LRCOL1: variants seen among roughly 807,000 people sequenced by gnomAD.
The protein encoded by LRCOL1 is leucine-rich colipase-like protein 1.
A neutral mutation model predicts 21.6 loss-of-function variants in LRCOL1; 21 were observed. That is an observed-to-expected ratio of 0.97 (90% CI 0.69 to 1.40). The LOEUF (loss-of-function observed/expected upper bound fraction) is 1.40. Ranked by LOEUF, LRCOL1 falls within the 40% of genes most tolerant of loss-of-function variation. The pLI, the probability that LRCOL1 is intolerant of heterozygous loss-of-function variation, is 0.00. For missense variants in LRCOL1, 198 were observed against 202.3 expected, an observed-to-expected ratio of 0.98 and a Z score of 0.13; for synonymous variants, 98 against 90.1, an observed-to-expected ratio of 1.09 and a Z score of -0.49.
intron 5 of LRCOL1, 35 bp downstream of exon 5, chr12:132,604,219 A>G (rs2041268928): frequency 6.6e-7 from 1 of 1,505,938 alleles, no homozygotes; most frequent in South Asian, 1.3e-5. Flanking sequence ...CGGCCAAGGG[A>G]GGGCCTGGAG....
intron 5 of LRCOL1, chr12:132,604,009 G>C: frequency 1.5e-6 from 2 of 1,357,078 alleles, no homozygotes; most frequent in South Asian, 1.8e-5. Context: ...AGGCTCTGAC[G>C]GTCTCTGACC....
rs1207612984 is a variant in LRCOL1 at position 132,604,822 on chromosome 12, C to G, written c.115G>C (p.Glu39Gln). 3.9e-6 allele frequency: 6 copies of G among 1,535,822 alleles called. No individual in the cohort carries two copies. In the East Asian group the frequency reaches 1.2e-4, roughly 31 times the overall value. ...CACTCCTCGTGTCTCCTGCATGGCT[C>G]CCCGATGCCCTGAAACACCACTCAC... ...KLNLSHKGIGEPCRRHEECQS... is the reference protein window; with the variant it reads ...KLNLSHKGIGQPCRRHEECQS... Residue 39 changes from glutamate to glutamine, a missense_variant, in exon 3 of 6, where the codon GAG (glutamate) becomes CAG (glutamine). Physicochemically the swap from Glu to Gln is conservative, Grantham distance 29 (BLOSUM62 2). Coordinates refer to ENST00000376608, the MANE Select transcript of LRCOL1 (RefSeq NM_001195520.2).
chr12:132,603,817 G>GAGCAC (rs1336440429), intron 5 of LRCOL1: 3 of 985,298 alleles, frequency 3.0e-6, no homozygotes, highest in Non-Finnish European at 3.6e-6. Context: ...AGCCTGCACC[G>GAGCAC]AGCACGGCTT....
At chr12:132,607,159 C>G (rs1593653023) in intron 1 of LRCOL1, among the ~76,000 whole-genome samples, 1 of 152,314 alleles carries the variant, frequency 6.6e-6, no homozygotes, top group South Asian at 2.1e-4. Context: ...ACGGCGCTGC[C>G]CCCACCACAG....
At chr12:132,604,683 C>T (rs2041279757) in intron 3 of LRCOL1, 23 bp downstream of exon 3, 4 of 1,530,732 alleles carry the variant, frequency 2.6e-6, no homozygotes, top group Non-Finnish European at 3.5e-6. Context: ...GCTCCTCCAC[C>T]CCCGCCCCTG....
Position 132,604,720 on chromosome 12 carries a change from G to A in LRCOL1, c.217C>T (p.Leu73=), listed in dbSNP as rs1463969544. 6.5e-7 allele frequency: 1 copy of A among 1,536,120 alleles called. No individual in the cohort carries two copies. Among genetic ancestry groups the A allele is most frequent in the South Asian group, 1.2e-5 (1 of 84,054 alleles). ...ACGCACCTCACCTTCCTCCAGGGCAGGCACTGCAGGAAGATGGTCTTAGGG... is the reference window on the plus strand; with the variant it reads ...ACGCACCTCACCTTCCTCCAGGGCAAGCACTGCAGGAAGATGGTCTTAGGG... The part of the protein sequence containing the change: ...CTPKTIFLQC[L]PWRKPNGYRC... Residue 73 remains leucine, a synonymous_variant, in exon 3 of 6, where the codon CTG becomes TTG. Coordinates refer to ENST00000376608, the MANE Select transcript of LRCOL1 (RefSeq NM_001195520.2).
In LRCOL1 at chr12:132,606,025, A is replaced by C. The variant is rs2041303842; in HGVS notation, c.105+122T>G. On this transcript the variant is annotated intron_variant, in intron 2 of 5. Transcript: ENST00000376608. The surrounding 1 kb of genome is among the most constrained non-coding windows in gnomAD (Gnocchi z 4.6). ...GGAAGGCGCTTTGTGTCCCTTTGAGACCCTCCTGACGGAAAGTGGCAGCCC... is the reference window on the plus strand; with the variant it reads ...GGAAGGCGCTTTGTGTCCCTTTGAGCCCCTCCTGACGGAAAGTGGCAGCCC... 1.2e-6 allele frequency: 1 copy of C among 865,952 alleles called. No homozygotes were observed. The highest frequency in any genetic ancestry group is 2.5e-5 in the Admixed American group (1 of 39,978). 53.6% of individuals were successfully genotyped at this position (865,952 alleles called of 1,614,324 possible).
intron 1 of LRCOL1, among the ~76,000 whole-genome samples, chr12:132,607,811 C>CTCTCTGTCTCTTTCTG (rs1407396050): frequency 1.3e-5 from 2 of 150,122 alleles, no homozygotes; most frequent in African/African-American, 4.9e-5. Context: ...CTGTCTCCCT[C>CTCTCTGTCTCTTTCTG]TCTCTGTCTC....
At chr12:132,607,914 CGTCT>C (rs776748230) in intron 1 of LRCOL1, among the ~76,000 whole-genome samples, 209 of 105,104 alleles carry the variant, frequency 2.0e-3, no homozygotes, top group Admixed American at 3.1e-3. Context: ...TCCCTCTCTC[CGTCT>C]GTCTCTCTCT....
intron 2 of LRCOL1, among the ~76,000 whole-genome samples, chr12:132,605,556 C>T (rs1455003101): frequency 6.6e-6 from 1 of 152,038 alleles, no homozygotes; most frequent in African/African-American, 2.4e-5. Context: ...TGGTGAAACC[C>T]CATCTCTACC....
Position 132,604,535 on chromosome 12 carries a change from C to A in LRCOL1, c.281G>T (p.Cys94Phe). The part of the protein sequence containing the change: ...SHDSECQSSC[C>F]VRNNSPQELC... ...CTCCTGCGGGCTGTTGTTGCGGACGCAGCAGCTGCTCTGGCACTCTGAGTC... is the reference window on the plus strand; with the variant it reads ...CTCCTGCGGGCTGTTGTTGCGGACGAAGCAGCTGCTCTGGCACTCTGAGTC... Residue 94 changes from cysteine (C) to phenylalanine (F), a missense_variant, in exon 4 of 6, where the codon TGC (cysteine) becomes TTC (phenylalanine). Physicochemically the swap from Cys to Phe is radical, Grantham distance 205. Coordinates refer to ENST00000376608, the MANE Select transcript of LRCOL1 (RefSeq NM_001195520.2). 6.5e-7 allele frequency: 1 copy of A among 1,536,160 alleles called. No homozygotes were observed. Among genetic ancestry groups the A allele is most frequent in the Non-Finnish European group, 8.7e-7 (1 of 1,146,888 alleles).
intron 2 of LRCOL1, 69 bp from the exon 3 acceptor site, chr12:132,604,900 G>A: frequency 6.0e-6 from 9 of 1,508,820 alleles, no homozygotes; most frequent in Non-Finnish European, 7.1e-6. Context: ...ACTCAGGAAA[G>A]GCCTGCCCTC....
chr12:132,606,089 C>T lies in LRCOL1; in HGVS notation c.105+58G>A. 1.3e-6 allele frequency: 2 copies of T among 1,506,412 alleles called. No homozygotes were observed. Among genetic ancestry groups the T allele is most frequent in the Non-Finnish European group, 1.8e-6 (2 of 1,121,358 alleles). The allele number at this position is 1,506,412 out of a possible 1,614,324, so 93.3% of individuals were successfully genotyped here. Reference sequence around the variant, plus strand: ...CTGCAAGGGCCTCAGGGGCGCCCGGCACCCACCTTATGGCGCGTGTGGGGC... The same window carrying T: ...CTGCAAGGGCCTCAGGGGCGCCCGGTACCCACCTTATGGCGCGTGTGGGGC... On this transcript the variant is annotated intron_variant, in intron 2 of 5. Coordinates refer to ENST00000376608, the MANE Select transcript of LRCOL1 (RefSeq NM_001195520.2). This position sits in a 1 kb window ranked among gnomAD's most constrained non-coding sequence, Gnocchi z 4.6.
chr12:132,608,125 A>T (rs1048752073), intron 1 of LRCOL1, among the ~76,000 whole-genome samples: 21 of 152,178 alleles, frequency 1.4e-4, no homozygotes, highest in Non-Finnish European at 1.3e-4. Flanking sequence ...TCTGGCCACA[A>T]CCTATAGCCA....
intron 2 of LRCOL1, 85 bp from the exon 3 acceptor site, chr12:132,604,916 G>A (rs2041284688): frequency 6.7e-7 from 1 of 1,489,756 alleles, no homozygotes; most frequent in African/African-American, 1.4e-5. Context: ...CCCTCTCCTT[G>A]GCTCCCCTGT....
Position 132,606,084 on chromosome 12 carries a change from C to T in LRCOL1, c.105+63G>A. On this transcript the variant is annotated intron_variant, in intron 2 of 5. Transcript: ENST00000376608. The surrounding 1 kb of genome is among the most constrained non-coding windows in gnomAD (Gnocchi z 4.6). ...GGGGACTGCAAGGGCCTCAGGGGCG[C>T]CCGGCACCCACCTTATGGCGCGTGT... 6.7e-7 allele frequency: 1 copy of T among 1,500,160 alleles called. No homozygotes were observed. Among genetic ancestry groups the T allele is most frequent in the Non-Finnish European group, 9.0e-7 (1 of 1,116,140 alleles). The allele number at this position is 1,500,160 out of a possible 1,614,324, so 92.9% of individuals were successfully genotyped here.
intron 2 of LRCOL1, among the ~76,000 whole-genome samples, chr12:132,605,591 T>TTACA (rs2041296327): frequency 6.6e-6 from 1 of 151,680 alleles, no homozygotes; most frequent in African/African-American, 2.4e-5. Context: ...TAGCCAGGCG[T>TTACA]GGTGGCGCGC....
At chr12:132,604,020 G>A (rs1478961778) in intron 5 of LRCOL1, 26 of 1,366,126 alleles carry the variant, frequency 1.9e-5, no homozygotes, top group Non-Finnish European at 2.3e-5. Context: ...GTCTCTGACC[G>A]GGCACCCGTG....
chr12:132,604,240 C>CGG lies in LRCOL1; in HGVS notation c.477+13_477+14insCC. ...AGGGAGGGCCTGGAGGCTGAGCCCC[C>CGG]GCCCGGGACTTACCAGGGGCAGGCA... On this transcript the variant is annotated intron_variant, in intron 5 of 5. Transcript: ENST00000376608. 6.6e-7 allele frequency: 1 copy of CGG among 1,523,276 alleles called. No homozygotes were observed. The highest frequency in any genetic ancestry group is 8.8e-7 in the Non-Finnish European group (1 of 1,140,516). 94.4% of individuals were successfully genotyped at this position (1,523,276 alleles called of 1,614,324 possible).
Sources: allele counts gnomAD v4.1 joint callset (sites outside exome capture counted in the v4.1 genomes callset), GRCh38; gene constraint gnomAD v4.1.1; non-coding constraint Gnocchi (gnomAD v3.1); transcripts MANE v1.5; gene names NCBI Gene and HGNC (gene_info 2026-07-23, HGNC 2026-07-21).